The following PLCB1 variants were observed in gnomAD, a reference collection of about 807,000 sequenced individuals.
PLCB1 encodes the protein phospholipase C beta 1, also known as 1-phosphatidylinositol 4,5-bisphosphate phosphodiesterase beta-1.
In PLCB1, 46 loss-of-function variants were observed where a neutral mutation model predicts 161.8. The ratio of observed to expected loss-of-function variants is 0.28; its 90% CI spans 0.22 to 0.36. The LOEUF (loss-of-function observed/expected upper bound fraction) is 0.36, where lower values mean the gene tolerates loss of function less well. Ranked by LOEUF, PLCB1 falls within the 10% of genes least tolerant of loss-of-function variation. The pLI is 1.00. For synonymous variants in PLCB1, 517 were observed against 503.7 expected (o/e 1.03, Z -0.35); for missense variants, 1,016 against 1,472.5 (o/e 0.69, Z 5.07).
intron 3 of PLCB1, among the ~76,000 whole-genome samples, chr20:8,432,964 T>A (rs892599292): frequency 3.9e-5 from 6 of 152,212 alleles, no homozygotes; most frequent in Admixed American, 6.5e-5. Flanking sequence ...TCTGCAGGTT[T>A]CTTGATCACA....
chr20:8,171,941 G>A (rs73895557), intron 2 of PLCB1, among the ~76,000 whole-genome samples: 1,789 of 152,228 alleles, frequency 0.012, 37 homozygotes, highest in African/African-American at 0.039. Flanking sequence ...GCCTCTGAGT[G>A]TTCACTTCTC....
intron 24 of PLCB1, 138 bp from the exon 25 acceptor site, chr20:8,760,269 A>G: frequency 1.7e-6 from 1 of 583,812 alleles, no homozygotes; most frequent in Non-Finnish European, 3.0e-6. Flanking sequence ...AATAATTTTT[A>G]TAAAGAATTT....
intron 31 of PLCB1, among the ~76,000 whole-genome samples, chr20:8,852,281 C>T (rs1986915562): frequency 6.6e-6 from 1 of 152,182 alleles, no homozygotes; most frequent in Non-Finnish European, 1.5e-5. Flanking sequence ...AATTGAAGAA[C>T]CTAAGAAAAT....
intron 2 of PLCB1, among the ~76,000 whole-genome samples, chr20:8,216,653 C>T (rs1005450389): frequency 3.9e-5 from 6 of 152,038 alleles, no homozygotes; most frequent in Non-Finnish European, 8.8e-5. Flanking sequence ...GTAGAAGATC[C>T]TTCCCCTCAA....
chr20:8,710,820 T>C (rs1184504413), intron 12 of PLCB1, among the ~76,000 whole-genome samples: 3 of 152,148 alleles, frequency 2.0e-5, no homozygotes, highest in East Asian at 1.9e-4. Context: ...GAAGTTTCTA[T>C]TTAAATTAGA....
At chr20:8,726,947 C>T (rs1370083773) in intron 16 of PLCB1, among the ~76,000 whole-genome samples, 1 of 151,946 alleles carries the variant, frequency 6.6e-6, no homozygotes, top group Non-Finnish European at 1.5e-5. Context: ...CCCATATTGG[C>T]CCTAAGAAAA....
intron 4 of PLCB1, among the ~76,000 whole-genome samples, chr20:8,643,544 G>A (rs367841113): frequency 2.0e-5 from 3 of 151,970 alleles, no homozygotes; most frequent in East Asian, 1.9e-4. Flanking sequence ...GCGTATTATC[G>A]GTGCCTTAAG....
At chr20:8,618,324 TAA>T (rs1329346857) in intron 3 of PLCB1, among the ~76,000 whole-genome samples, 1 of 152,160 alleles carries the variant, frequency 6.6e-6, no homozygotes, top group African/African-American at 2.4e-5. Flanking sequence ...TTTTTAAAAT[TAA>T]GAGAGCTTTA....
At chr20:8,276,138 A>G (rs751518174) in intron 2 of PLCB1, among the ~76,000 whole-genome samples, 4 of 152,208 alleles carry the variant, frequency 2.6e-5, no homozygotes, top group Non-Finnish European at 5.9e-5. Context: ...AAAACAAAAA[A>G]GATTAATTAA....
chr20:8,301,690 G>T (rs944443847), intron 2 of PLCB1, among the ~76,000 whole-genome samples: 1 of 152,128 alleles, frequency 6.6e-6, no homozygotes, highest in Admixed American at 6.6e-5. Context: ...GACAGCCCAG[G>T]CTCTACTCAA....
chr20:8,556,656 G>GGGGTGTGT (rs1225219910), intron 3 of PLCB1, among the ~76,000 whole-genome samples: 1 of 141,780 alleles, frequency 7.1e-6, no homozygotes, highest in African/African-American at 2.6e-5. Context: ...GAGAGGGTTG[G>GGGGTGTGT]GTGTGTGTGT....
chr20:8,730,719 C>A (rs528367592), intron 18 of PLCB1, among the ~76,000 whole-genome samples: 6 of 151,760 alleles, frequency 4.0e-5, no homozygotes, highest in Non-Finnish European at 8.9e-5. Context: ...TTTTCTGTCA[C>A]AGGAAAAATG....
At chr20:8,492,366 A>T (rs1982983139) in intron 3 of PLCB1, among the ~76,000 whole-genome samples, 1 of 152,070 alleles carries the variant, frequency 6.6e-6, no homozygotes, top group Non-Finnish European at 1.5e-5. Flanking sequence ...GCATCTTCCA[A>T]ATTGAATTCT....
At chr20:8,334,880 A>G (rs1314484311) in intron 2 of PLCB1, among the ~76,000 whole-genome samples, 1 of 152,220 alleles carries the variant, frequency 6.6e-6, no homozygotes, top group Non-Finnish European at 1.5e-5. Flanking sequence ...AGCAAGGTCA[A>G]CATGCCATTG....
At position 8,663,578 on chromosome 20, in the gene PLCB1, G is replaced by A. The variant is rs183920979; in HGVS notation, c.862+4874G>A. 3.9e-3 allele frequency among the ~76,000 whole-genome samples: 592 copies of A among 152,172 alleles called. 7 individuals carry two copies. Among genetic ancestry groups the A allele is most frequent in the Non-Finnish European group, 3.7e-3 (253 of 67,994 alleles). On this transcript the variant is annotated intron_variant, in intron 9 of 31. Transcript: ENST00000338037. ...TCTCCATGCTGGAATTTCTGTTTTG[G>A]GAGATGTGTATATTGGTTATAAATA...
At chr20:8,345,219 G>A (rs1289039909) in intron 2 of PLCB1, among the ~76,000 whole-genome samples, 1 of 152,088 alleles carries the variant, frequency 6.6e-6, no homozygotes, top group Non-Finnish European at 1.5e-5. Context: ...TGCATTTGAA[G>A]GATTTGAAAT....
intron 3 of PLCB1, among the ~76,000 whole-genome samples, chr20:8,392,768 G>A (rs924832668): frequency 6.6e-6 from 1 of 152,112 alleles, no homozygotes; most frequent in Admixed American, 6.5e-5. Context: ...TTCTTTGAAT[G>A]GGAAATGGCT....
intron 31 of PLCB1, among the ~76,000 whole-genome samples, chr20:8,812,285 T>C (rs182857022): frequency 6.6e-6 from 1 of 152,312 alleles, no homozygotes; most frequent in East Asian, 1.9e-4. Flanking sequence ...CTCTGACTTC[T>C]ACCCTCCAGG....
chr20:8,453,082 A>G (rs1331833591), intron 3 of PLCB1, among the ~76,000 whole-genome samples: 1 of 152,174 alleles, frequency 6.6e-6, no homozygotes, highest in African/African-American at 2.4e-5. Context: ...CTTCTTTGTG[A>G]ATGTGATAAC....
Sources: gnomAD v4.1 joint callset for allele counts (sites outside exome capture counted in the v4.1 genomes callset) on GRCh38, gnomAD v4.1.1 for gene constraint, MANE v1.5 for transcripts, NCBI Gene and HGNC (gene_info 2026-07-23, HGNC 2026-07-21) for gene names.